The following FAAH2 variants were observed in gnomAD, a reference collection of about 807,000 sequenced individuals.
The protein encoded by FAAH2 is fatty acid amide hydrolase 2.
Under a neutral mutation model 36.9 loss-of-function variants are expected in FAAH2, and 60 were observed. The observed-to-expected ratio is 1.63, with a 90% CI of 1.32 to 2.02. FAAH2 has a LOEUF of 2.02. Ranked by LOEUF, FAAH2 falls within the 30% of genes most tolerant of loss-of-function variation. The probability of loss-of-function intolerance (pLI) is 0.00; values close to 1 mark genes in which losing one functional copy is unlikely to be tolerated. For missense variants in FAAH2, 689 were observed against 397.5 expected (o/e 1.73, Z -6.23); for synonymous variants, 214 against 143.8 (o/e 1.49, Z -3.49).
chrX:57,240,591 C>A, the FAAH2 span, among the ~76,000 whole-genome samples: 1 of 112,184 alleles, frequency 8.9e-6, no homozygotes, highest in Non-Finnish European at 1.9e-5. Context: ...TGCACACAGT[C>A]TCCACTGGCA....
At chrX:57,192,103 T>A in the FAAH2 span, among the ~76,000 whole-genome samples, 1 of 112,023 alleles carries the variant, frequency 8.9e-6, no homozygotes, top group African/African-American at 3.2e-5. Flanking sequence ...CAAATCCACA[T>A]GAAATCTCTC....
At chrX:57,143,297 G>A in the FAAH2 span, among the ~76,000 whole-genome samples, 1 of 110,040 alleles carries the variant, frequency 9.1e-6, no homozygotes, top group African/African-American at 3.3e-5. Flanking sequence ...TCATGGATAC[G>A]AGGAGACTTG....
chrX:57,445,636 G>C (rs1255458494), intron 8 of FAAH2, among the ~76,000 whole-genome samples: 1 of 111,880 alleles, frequency 8.9e-6, no homozygotes, highest in African/African-American at 3.2e-5. Flanking sequence ...GCTAAGGCCT[G>C]TTATTGGGGA....
chrX:57,459,548 T>A (rs2056921020), intron 10 of FAAH2, among the ~76,000 whole-genome samples: 1 of 112,322 alleles, frequency 8.9e-6, no homozygotes, highest in African/African-American at 3.2e-5. Flanking sequence ...GCCTCGTGAC[T>A]GGGATAGACC....
chrX:57,372,335 G>A (rs2054572722), intron 5 of FAAH2, among the ~76,000 whole-genome samples: 1 of 109,965 alleles, frequency 9.1e-6, no homozygotes, highest in African/African-American at 3.3e-5. Flanking sequence ...TTTAATAATA[G>A]CCATTCTGAC....
At chrX:57,207,217 G>T in the FAAH2 span, among the ~76,000 whole-genome samples, 1 of 110,991 alleles carries the variant, frequency 9.0e-6, no homozygotes, top group Non-Finnish European at 1.9e-5. Flanking sequence ...GCTCTCCATT[G>T]TTGTAATAAA....
chrX:57,341,034 G>T (rs2053673963), intron 4 of FAAH2, among the ~76,000 whole-genome samples: 1 of 111,128 alleles, frequency 9.0e-6, no homozygotes, highest in Non-Finnish European at 1.9e-5. Flanking sequence ...CAGACCCGGG[G>T]AAGAAATATC....
chrX:57,262,596 C>T, the FAAH2 span, among the ~76,000 whole-genome samples: 1 of 111,289 alleles, frequency 9.0e-6, no homozygotes, highest in Admixed American at 9.6e-5. Flanking sequence ...TGGAAGAGAA[C>T]ACTTTCTAAC....
chrX:57,314,193 T>A (rs1351521762), intron 3 of FAAH2, among the ~76,000 whole-genome samples: 8 of 111,809 alleles, frequency 7.2e-5, no homozygotes. Context: ...GACTGAACCA[T>A]CTTAAATATG....
At chrX:57,232,372 G>T in the FAAH2 span, among the ~76,000 whole-genome samples, 18 of 112,232 alleles carry the variant, frequency 1.6e-4, no homozygotes, top group Admixed American at 1.1e-3. Context: ...CTCTAAGATT[G>T]TTCTCAATGG....
chrX:57,250,619 T>C, the FAAH2 span, among the ~76,000 whole-genome samples: 3 of 110,892 alleles, frequency 2.7e-5, no homozygotes, highest in African/African-American at 9.8e-5. Flanking sequence ...TATACACCAT[T>C]AATATATATA....
intron 3 of FAAH2, 76 bp downstream of exon 3, chrX:57,310,805 G>T: frequency 9.5e-7 from 1 of 1,057,742 alleles, no homozygotes. Context: ...AAACTAAAAA[G>T]GATGGTATAA....
At chrX:57,414,461 C>T (rs1333204776) in intron 7 of FAAH2, among the ~76,000 whole-genome samples, 1 of 111,687 alleles carries the variant, frequency 9.0e-6, no homozygotes, top group African/African-American at 3.3e-5. Flanking sequence ...TTTTCTGCAT[C>T]GATTCAGATA....
rs771088830 is a variant in FAAH2 at position 57,380,147 on chromosome X, C to T, written c.879-765C>T. 1.7e-3 allele frequency among the ~76,000 whole-genome samples: 184 copies of T among 110,664 alleles called. 1 individual carries two copies. In the Middle Eastern group the frequency reaches 0.023, roughly 14 times the overall value. ...CCACCCTTTTGATATTGCTCCTTTT[C>T]CTTTCATCTGCCTTACTGGCTCTTC... On this transcript the variant is annotated intron_variant, in intron 6 of 10. Transcript: ENST00000374900.
At chrX:57,232,619 C>G in the FAAH2 span, among the ~76,000 whole-genome samples, 5 of 112,369 alleles carry the variant, frequency 4.4e-5, no homozygotes, top group African/African-American at 1.6e-4. Flanking sequence ...TCTCTAGTCT[C>G]TCTCGTAACT....
At chrX:57,452,755 A>G (rs1365421127) in intron 10 of FAAH2, among the ~76,000 whole-genome samples, 3 of 112,531 alleles carry the variant, frequency 2.7e-5, no homozygotes, top group Non-Finnish European at 5.6e-5. Context: ...TGGAAAAATT[A>G]CTGGAAACAA....
chrX:57,288,378 C>G (rs1429381487), intron 1 of FAAH2, among the ~76,000 whole-genome samples: 1 of 69,322 alleles, frequency 1.4e-5, no homozygotes, highest in Admixed American at 2.1e-4. Context: ...GAGACGGAGT[C>G]TCGCTCTGTC....
At chrX:57,260,923 A>G in the FAAH2 span, among the ~76,000 whole-genome samples, 4 of 112,095 alleles carry the variant, frequency 3.6e-5, no homozygotes, top group African/African-American at 9.7e-5. Flanking sequence ...TAGTGCAACT[A>G]GAAATTTCAT....
At chrX:57,478,249 G>A (rs1372293803) in intron 10 of FAAH2, among the ~76,000 whole-genome samples, 1 of 111,877 alleles carries the variant, frequency 8.9e-6, no homozygotes, top group Non-Finnish European at 1.9e-5. Flanking sequence ...GTAATGGTGA[G>A]CATTTTTTCA....
Sources: allele counts gnomAD v4.1 joint callset (sites outside exome capture counted in the v4.1 genomes callset), GRCh38; gene constraint gnomAD v4.1.1; transcripts MANE v1.5; gene names NCBI Gene and HGNC (gene_info 2026-07-23, HGNC 2026-07-21).